Variants in ZFHX3 observed in about 807,000 individuals in gnomAD.
The protein encoded by ZFHX3 is zinc finger homeobox 3.
In ZFHX3, 42 loss-of-function variants were observed where a neutral mutation model predicts 279.1. The ratio of observed to expected loss-of-function variants is 0.15; its 90% CI spans 0.12 to 0.19. The LOEUF (loss-of-function observed/expected upper bound fraction) is 0.19, where lower values mean the gene tolerates loss of function less well. Among genes scored for constraint, ZFHX3 ranks in the 10% least tolerant of loss-of-function variants. The pLI is 1.00. For synonymous variants in ZFHX3, 2,293 were observed against 1,957.8 expected, an observed-to-expected ratio of 1.17 and a Z score of -4.52; for missense variants, 4,981 against 4,754.0, an observed-to-expected ratio of 1.05 and a Z score of -1.40.
intron 1 of ZFHX3, among the ~76,000 whole-genome samples, chr16:73,056,700 C>A (rs1475647060): frequency 6.6e-6 from 1 of 152,216 alleles, no homozygotes; most frequent in East Asian, 1.9e-4. Context: ...GGCGCTGGAG[C>A]ACCCACGCTG....
At chr16:73,494,045 C>T (rs886635195) in intron 2 of ZFHX3, among the ~76,000 whole-genome samples, 1 of 152,148 alleles carries the variant, frequency 6.6e-6, no homozygotes, top group African/African-American at 2.4e-5. Context: ...GGTCTGCATG[C>T]CTTCCTCCCC....
chr16:73,390,032 C>CT lies in ZFHX3; in HGVS notation c.-1291+65970_-1291+65971insA, dbSNP rs551020620. Among the ~76,000 whole-genome samples, 12 of 152,134 alleles carry CT rather than the reference C, an allele frequency of 7.9e-5. No homozygotes were observed. The South Asian group carries it at 2.1e-3, about 26-fold the overall frequency. On this transcript the variant is annotated intron_variant, in intron 3 of 17. Coordinates refer to the ZFHX3 transcript ENST00000641206. ...CCGAGATTGCACCACTGCACTCCAG[C>CT]CTGGGTGACAGAGCGAGACTCTGTC...
Position 72,788,670 on chromosome 16 carries a change from C to T in ZFHX3, c.9606G>A (p.Gln3202=), listed in dbSNP as rs139466756. 1.4e-4 allele frequency: 219 copies of T among 1,564,682 alleles called. No homozygotes were observed. The African/African-American group carries it at 2.3e-3, about 16-fold the overall frequency. The change falls in exon 10 of 10, where the codon CAG becomes CAA. Residue 3202 remains glutamine (Q), a synonymous_variant. Transcript: ENST00000268489. ...GAGGCTGCTGCACCTGTGGTTGCTG[C>T]TGCTGCTGCTGCTGCTGGGGGGGTT... ...PQQPPQQQQQ[Q]QQPQVQQPPP...
At chr16:73,077,591 AC>A (rs1289451623) in intron 8 of ZFHX3, among the ~76,000 whole-genome samples, 3 of 152,130 alleles carry the variant, frequency 2.0e-5, no homozygotes, top group African/African-American at 7.2e-5. Flanking sequence ...TGTTTAAGAA[AC>A]GTTTAAGAGT....
At chr16:73,440,434 A>G (rs1009576484) in intron 3 of ZFHX3, among the ~76,000 whole-genome samples, 1 of 152,190 alleles carries the variant, frequency 6.6e-6, no homozygotes, top group Non-Finnish European at 1.5e-5. Flanking sequence ...ACTGTAGTCA[A>G]TCTGCTTTTT....
chr16:73,068,995 G>T (rs1965791188), intron 8 of ZFHX3, among the ~76,000 whole-genome samples: 1 of 152,228 alleles, frequency 6.6e-6, no homozygotes, highest in African/African-American at 2.4e-5. Flanking sequence ...AACTGCACAA[G>T]GGGGAAGGGT....
chr16:72,975,820 T>C (rs1336439713), intron 1 of ZFHX3, among the ~76,000 whole-genome samples: 1 of 152,138 alleles, frequency 6.6e-6, no homozygotes, highest in Non-Finnish European at 1.5e-5. Flanking sequence ...CTCTTGCTGC[T>C]CCCAATGCTG....
chr16:73,641,450 GA>G (rs2052572558), intron 2 of ZFHX3, among the ~76,000 whole-genome samples: 1 of 152,136 alleles, frequency 6.6e-6, no homozygotes, highest in Non-Finnish European at 1.5e-5. Context: ...TGACCCGATG[GA>G]AGGTTCTACT....
intron 2 of ZFHX3, among the ~76,000 whole-genome samples, chr16:73,676,354 G>C (rs931828672): frequency 6.6e-6 from 1 of 151,982 alleles, no homozygotes; most frequent in African/African-American, 2.4e-5. Flanking sequence ...GTTGCAGGGT[G>C]GGGGAGATGA....
intron 1 of ZFHX3, among the ~76,000 whole-genome samples, chr16:73,743,987 A>G (rs901391968): frequency 1.3e-5 from 2 of 152,202 alleles, no homozygotes; most frequent in Non-Finnish European, 2.9e-5. Flanking sequence ...AACAGTCTTC[A>G]TGCTCAAAAT....
chr16:73,011,511 G>A (rs1963916989), intron 1 of ZFHX3, among the ~76,000 whole-genome samples: 2 of 152,000 alleles, frequency 1.3e-5, no homozygotes, highest in African/African-American at 4.8e-5. Flanking sequence ...GGGAGGCCAA[G>A]GTGGGCAGAT....
chr16:73,632,806 G>A (rs1429883561), intron 2 of ZFHX3, among the ~76,000 whole-genome samples: 1 of 152,184 alleles, frequency 6.6e-6, no homozygotes, highest in East Asian at 1.9e-4. Context: ...GCTGGGAACG[G>A]TGGCTTACGC....
At chr16:73,050,340 G>T (rs1045501757), upstream of ZFHX3, among the ~76,000 whole-genome samples, 6 of 152,200 alleles carry the variant, frequency 3.9e-5, no homozygotes, top group South Asian at 2.1e-4. Flanking sequence ...CACTTGAGAG[G>T]CCTGACAAGT....
chr16:72,965,028 C>A lies in ZFHX3; in HGVS notation c.-49-4834G>T, dbSNP rs117441643. Among the ~76,000 whole-genome samples the A allele has an allele frequency of 6.4e-3, 981 of 152,122 alleles. 10 individuals are homozygous for A. Among genetic ancestry groups the A allele is most frequent in the Non-Finnish European group, 9.1e-3 (616 of 68,006 alleles). ...GAGTAGCTGGGCCTACAGGCGACCACCACCACGTCTGGCTAACTTTTTGTA... is the reference window on the plus strand; with the variant it reads ...GAGTAGCTGGGCCTACAGGCGACCAACACCACGTCTGGCTAACTTTTTGTA... On this transcript the variant is annotated intron_variant, in intron 1 of 9. Coordinates refer to ENST00000268489, the MANE Select transcript of ZFHX3 (RefSeq NM_006885.4).
At chr16:73,275,630 CA>C (rs2014275503) in intron 4 of ZFHX3, among the ~76,000 whole-genome samples, 1 of 152,144 alleles carries the variant, frequency 6.6e-6, no homozygotes, top group African/African-American at 2.4e-5. Flanking sequence ...TTTGGTTTTC[CA>C]CTGCATAGAA....
chr16:73,660,694 A>T (rs1597052674), intron 2 of ZFHX3, among the ~76,000 whole-genome samples: 1 of 152,270 alleles, frequency 6.6e-6, no homozygotes, highest in Non-Finnish European at 1.5e-5. Context: ...TTTGCATTTA[A>T]ATCTTCTTGA....
intron 1 of ZFHX3, among the ~76,000 whole-genome samples, chr16:73,033,012 G>A (rs1298273974): frequency 6.6e-6 from 1 of 152,204 alleles, no homozygotes; most frequent in African/African-American, 2.4e-5. Context: ...GAAGAAGGTA[G>A]ATGCATGGAA....
intron 2 of ZFHX3, among the ~76,000 whole-genome samples, chr16:73,620,124 G>C (rs933536727): frequency 1.3e-5 from 2 of 152,142 alleles, no homozygotes; most frequent in African/African-American, 4.8e-5. Context: ...TCATGGTCCA[G>C]TTTTATCCAC....
At chr16:73,276,962 C>T (rs1391447443) in intron 4 of ZFHX3, among the ~76,000 whole-genome samples, 2 of 152,204 alleles carry the variant, frequency 1.3e-5, no homozygotes, top group South Asian at 4.1e-4. Flanking sequence ...TAGAACAGGT[C>T]AGACATGGAC....
Sources: gnomAD v4.1 joint callset for allele counts (sites outside exome capture counted in the v4.1 genomes callset) on GRCh38, gnomAD v4.1.1 for gene constraint, MANE v1.5 for transcripts, NCBI Gene and HGNC (gene_info 2026-07-23, HGNC 2026-07-21) for gene names.